The following GRK7 variants were observed in gnomAD, a reference collection of about 807,000 sequenced individuals.
GRK7 encodes rhodopsin kinase GRK7.
Under a neutral mutation model 34.1 loss-of-function variants are expected in GRK7, and 24 were observed. The observed-to-expected ratio is 0.70, with a 90% CI of 0.51 to 0.99. The LOEUF (loss-of-function observed/expected upper bound fraction) is 0.99. Ranked by LOEUF, GRK7 falls within the 50% of genes least tolerant of loss-of-function variation. The pLI is 0.00. For synonymous variants in GRK7, 256 were observed against 279.4 expected (o/e 0.92, Z 0.84); for missense variants, 644 against 707.3 (o/e 0.91, Z 1.02).
At chr3:141,765,986 G>A (rs554003413) in intron 1 of GRK7, among the ~76,000 whole-genome samples, 9 of 152,214 alleles carry the variant, frequency 5.9e-5, no homozygotes, top group Admixed American at 2.6e-4. Context: ...TTACCATAGC[G>A]TATATCAAGG....
intron 4 of GRK7, among the ~76,000 whole-genome samples, chr3:141,802,784 G>T (rs1323948919): frequency 1.3e-5 from 2 of 152,036 alleles, no homozygotes; most frequent in East Asian, 3.9e-4. Context: ...TAATCCCTGA[G>T]CAATGGAAAC....
At chr3:141,789,656 C>CAAAAAAAAAAAAA (rs60765509) in intron 4 of GRK7, among the ~76,000 whole-genome samples, 37 of 119,170 alleles carry the variant, frequency 3.1e-4, no homozygotes, top group African/African-American at 9.4e-4. Context: ...GCCAAATGGG[C>CAAAAAAAAAAAAA]AAAAAAAAAA....
In GRK7 at chr3:141,812,159, A is replaced by G. The variant is rs143807497; in HGVS notation, c.1325+4240A>G. On this transcript the variant is annotated intron_variant, in intron 5 of 5. Transcript: ENST00000682958. ...GTATCTTTGCTTCATTGACTATTATAAGAAAATCCATTGTAATCTCTGTGT... is the reference window on the plus strand; with the variant it reads ...GTATCTTTGCTTCATTGACTATTATGAGAAAATCCATTGTAATCTCTGTGT... Among the ~76,000 whole-genome samples the G allele has an allele frequency of 2.0e-4, 31 of 152,264 alleles. No homozygotes were observed. In the East Asian group the frequency reaches 6.0e-3, roughly 29 times the overall value.
intron 2 of GRK7, among the ~76,000 whole-genome samples, chr3:141,776,100 C>T (rs2084637354): frequency 6.6e-6 from 1 of 151,888 alleles, no homozygotes; most frequent in African/African-American, 2.4e-5. Flanking sequence ...ATGGCTATCA[C>T]AGTGAAACCC....
At chr3:141,761,730 C>T (rs1410188083), upstream of GRK7, among the ~76,000 whole-genome samples, 1 of 131,258 alleles carries the variant, frequency 7.6e-6, no homozygotes, top group Non-Finnish European at 1.6e-5. Flanking sequence ...TGGTTCCATT[C>T]TCCGCATCAC....
the GRK7 span, among the ~76,000 whole-genome samples, chr3:141,751,144 A>G: frequency 6.6e-6 from 1 of 152,216 alleles, no homozygotes; most frequent in African/African-American, 2.4e-5. Flanking sequence ...TGCCATTTGC[A>G]TTTTATCTGA....
Position 141,817,022 on chromosome 3 carries a change from C to T in GRK7, c.1634C>T (p.Ser545Phe), listed in dbSNP as rs1711162520. Residue 545 changes from serine (S) to phenylalanine (F), a missense_variant, in exon 6 of 6, where the codon TCC becomes TTC. Physicochemically the swap from Ser to Phe is radical, Grantham distance 155. Coordinates refer to ENST00000682958, the MANE Select transcript of GRK7 (RefSeq NM_139209.3). ...ACGGGTTGTGAGGAGGGTAATTCATCCAAGTCTGGCGTGTGTTTGTTATTG... is the reference window on the plus strand; with the variant it reads ...ACGGGTTGTGAGGAGGGTAATTCATTCAAGTCTGGCGTGTGTTTGTTATTG... ...RPTGCEEGNSSKSGVCLLL is the reference protein window; with the variant it reads ...RPTGCEEGNSFKSGVCLLL The T allele has an allele frequency of 6.2e-7, 1 of 1,608,118 alleles. No homozygotes were observed.
intron 4 of GRK7, among the ~76,000 whole-genome samples, chr3:141,805,334 C>T (rs946638273): frequency 2.0e-5 from 3 of 152,292 alleles, no homozygotes; most frequent in East Asian, 1.9e-4. Flanking sequence ...ATCTAGTCAC[C>T]GTCTTTGTCG....
At chr3:141,750,109 A>G in the GRK7 span, among the ~76,000 whole-genome samples, 3 of 152,118 alleles carry the variant, frequency 2.0e-5, no homozygotes, top group Non-Finnish European at 2.9e-5. Context: ...ACCTTTTTCT[A>G]TTAGGCTGGT....
chr3:141,800,047 C>T (rs57823850), intron 4 of GRK7, among the ~76,000 whole-genome samples: 3,613 of 152,272 alleles, frequency 0.024, 127 homozygotes, highest in African/African-American at 0.082. Flanking sequence ...CTGCCACTGA[C>T]TTAACTTCGT....
In GRK7 at chr3:141,807,791, TA is replaced by T. The variant is rs1559847774; in HGVS notation, c.1200del (p.Glu401ArgfsTer3). ...PFKDYKEKVS[K>X]EDLKQRTLQD... ...TCAAAGATTACAAGGAAAAGGTCAG[TA>T]AAGAGGATCTGAAGCAAAGAACTCT... On this transcript the variant is annotated frameshift_variant, in exon 5 of 6. Coordinates refer to ENST00000682958, the MANE Select transcript of GRK7 (RefSeq NM_139209.3). LOFTEE classifies it high-confidence loss of function. 1.9e-6 allele frequency: 3 copies of T among 1,614,018 alleles called. No homozygotes were observed. Among genetic ancestry groups the T allele is most frequent in the Admixed American group, 3.3e-5 (2 of 59,994 alleles).
chr3:141,799,777 T>C (rs1559845801), intron 4 of GRK7, among the ~76,000 whole-genome samples: 1 of 152,150 alleles, frequency 6.6e-6, no homozygotes, highest in Non-Finnish European at 1.5e-5. Context: ...ACAGAAAATA[T>C]TTAGCATGGA....
At chr3:141,777,565 T>C (rs2084646526) in intron 2 of GRK7, among the ~76,000 whole-genome samples, 1 of 147,840 alleles carries the variant, frequency 6.8e-6, no homozygotes, top group Non-Finnish European at 1.5e-5. Context: ...CTCGATCTCC[T>C]GACCTCGTGA....
intron 5 of GRK7, among the ~76,000 whole-genome samples, chr3:141,808,345 A>C (rs1269779632): frequency 2.6e-5 from 4 of 152,196 alleles, no homozygotes; most frequent in Admixed American, 1.3e-4. Flanking sequence ...TTAAAATCAC[A>C]TGCAGCCATA....
rs1322312901 is a variant in GRK7, at chr3:141,807,638, G to A, written c.1051-7G>A. On this transcript the variant is annotated splice_region_variant and splice_polypyrimidine_tract_variant and intron_variant, in intron 4 of 5. Transcript: ENST00000682958. Reference sequence around the variant, plus strand: ...TGTTGTCTTGTTTTTTGTTTGGGATGTTACAGGCTGGAACCAATGGTTACA... The same window carrying A: ...TGTTGTCTTGTTTTTTGTTTGGGATATTACAGGCTGGAACCAATGGTTACA... 2 of 1,612,088 alleles carry A rather than the reference G, an allele frequency of 1.2e-6. No homozygotes were observed. The highest frequency in any genetic ancestry group is 8.5e-7 in the Non-Finnish European group (1 of 1,178,922).
chr3:141,792,290 G>A lies in GRK7; in HGVS notation c.1050+11479G>A, dbSNP rs148379387. Among the ~76,000 whole-genome samples, 891 of 151,916 alleles carry A rather than the reference G, an allele frequency of 5.9e-3. 4 individuals are homozygous for A. Among genetic ancestry groups the A allele is most frequent in the African/African-American group, 0.021 (855 of 41,396 alleles). Reference sequence around the variant, plus strand: ...ATTGTAGCACATGCCTGTAGTCCCAGCTACTCGGGAGGCTGAGGCAGGGGA... The same window carrying A: ...ATTGTAGCACATGCCTGTAGTCCCAACTACTCGGGAGGCTGAGGCAGGGGA... On this transcript the variant is annotated intron_variant, in intron 4 of 5. Coordinates refer to ENST00000682958, the MANE Select transcript of GRK7 (RefSeq NM_139209.3).
At chr3:141,801,902 A>T (rs1372578207) in intron 4 of GRK7, among the ~76,000 whole-genome samples, 2 of 152,160 alleles carry the variant, frequency 1.3e-5, no homozygotes, top group Non-Finnish European at 2.9e-5. Context: ...ATACTTTTTT[A>T]AAAATAGAAG....
the GRK7 span, among the ~76,000 whole-genome samples, chr3:141,750,980 T>C: frequency 6.6e-6 from 1 of 152,064 alleles, no homozygotes; most frequent in African/African-American, 2.4e-5. Flanking sequence ...AAGGCTGTAG[T>C]GTGTGATGGC....
intron 2 of GRK7, among the ~76,000 whole-genome samples, chr3:141,777,342 T>TTTTTTTTTTTTTTTTTTTTTTAAA (rs1577912931): frequency 8.1e-6 from 1 of 123,882 alleles, no homozygotes; most frequent in Non-Finnish European, 1.7e-5. Context: ...TTTTTTTTTT[T>TTTTTTTTTTTTTTTTTTTTTTAAA]GAGACGGAGT....
Sources: gnomAD v4.1 joint callset for allele counts (sites outside exome capture counted in the v4.1 genomes callset) on GRCh38, gnomAD v4.1.1 for gene constraint, MANE v1.5 for transcripts, NCBI Gene and HGNC (gene_info 2026-07-23, HGNC 2026-07-21) for gene names.